Variants in PPFIA2 observed in about 807,000 individuals in gnomAD.
The protein encoded by PPFIA2 is liprin-alpha-2.
In PPFIA2, 46 loss-of-function variants were observed where a neutral mutation model predicts 175.5. The ratio of observed to expected loss-of-function variants is 0.26; its 90% confidence interval spans 0.21 to 0.34. The LOEUF is 0.34. Among genes scored for constraint, PPFIA2 ranks in the 10% least tolerant of loss-of-function variants. PPFIA2 has a pLI of 1.00. For synonymous variants in PPFIA2, 568 were observed against 511.4 expected (o/e 1.11, Z -1.49); for missense variants, 1,179 against 1,506.1 (o/e 0.78, Z 3.60).
At chr12:81,470,945 T>C (rs1487831454) in intron 4 of PPFIA2, among the ~76,000 whole-genome samples, 1 of 152,112 alleles carries the variant, frequency 6.6e-6, no homozygotes, top group African/African-American at 2.4e-5. Context: ...AATGTTCTGT[T>C]GTCTACTTCT....
intron 24 of PPFIA2, among the ~76,000 whole-genome samples, chr12:81,291,631 C>T (rs1055784622): frequency 2.6e-5 from 4 of 151,938 alleles, no homozygotes; most frequent in Admixed American, 6.6e-5. Flanking sequence ...ATCTTTATTT[C>T]GTCTAGTGTG....
At chr12:81,559,803 TG>T (rs2069611295) in intron 4 of PPFIA2, among the ~76,000 whole-genome samples, 1 of 121,566 alleles carries the variant, frequency 8.2e-6, no homozygotes, top group African/African-American at 3.3e-5. Context: ...GATGCTTAGT[TG>T]TTTTTTTTTT....
chr12:81,364,105 T>A (rs1205120231), intron 14 of PPFIA2, among the ~76,000 whole-genome samples: 1 of 151,656 alleles, frequency 6.6e-6, no homozygotes, highest in Non-Finnish European at 1.5e-5. Flanking sequence ...ATGACCTAAA[T>A]AAAGGAGAAA....
intron 3 of PPFIA2, among the ~76,000 whole-genome samples, chr12:81,689,563 C>T (rs2074966451): frequency 6.6e-6 from 1 of 151,958 alleles, no homozygotes; most frequent in African/African-American, 2.4e-5. Context: ...TTGTAGAGCA[C>T]AGCATAGAGC....
chr12:81,381,967 C>A (rs2141937936), intron 9 of PPFIA2, among the ~76,000 whole-genome samples: 1 of 151,764 alleles, frequency 6.6e-6, no homozygotes, highest in Middle Eastern at 3.4e-3. Flanking sequence ...CAGCAGTGAA[C>A]AAAACAAGAA....
At chr12:81,353,443 C>G (rs957831404) in intron 16 of PPFIA2, 104 bp from the exon 17 acceptor site, 3 of 738,662 alleles carry the variant, frequency 4.1e-6, no homozygotes, top group Non-Finnish European at 6.8e-6. Flanking sequence ...TACAACTGAC[C>G]TTGCAAAAAC....
At chr12:81,675,979 ATCTC>A (rs1181226294) in intron 4 of PPFIA2, among the ~76,000 whole-genome samples, 1 of 152,084 alleles carries the variant, frequency 6.6e-6, no homozygotes, top group African/African-American at 2.4e-5. Flanking sequence ...ACAGAAAGTT[ATCTC>A]TCTAACAACT....
intron 6 of PPFIA2, among the ~76,000 whole-genome samples, chr12:81,440,610 C>T (rs1247120861): frequency 6.6e-6 from 1 of 151,846 alleles, no homozygotes; most frequent in East Asian, 1.9e-4. Flanking sequence ...ACTTAAGTAT[C>T]TTGGAATTTC....
intron 4 of PPFIA2, among the ~76,000 whole-genome samples, chr12:81,539,574 C>A (rs1163567360): frequency 2.6e-5 from 4 of 151,838 alleles, no homozygotes; most frequent in Non-Finnish European, 5.9e-5. Context: ...TCAGTGGGGC[C>A]CAGCAATTTG....
intron 5 of PPFIA2, among the ~76,000 whole-genome samples, chr12:81,452,040 A>C (rs1593204448): frequency 6.6e-6 from 1 of 152,064 alleles, no homozygotes; most frequent in Non-Finnish European, 1.5e-5. Context: ...CCTATGTTTG[A>C]ATTTTCTTTA....
intron 22 of PPFIA2, chr12:81,312,488 G>A (rs12820143): frequency 4.7e-5 from 16 of 339,454 alleles, no homozygotes; most frequent in Non-Finnish European, 8.0e-5. Context: ...AAGAAATCTT[G>A]GTAAAGGACA....
At chr12:81,635,441 G>T (rs2063876569) in intron 4 of PPFIA2, among the ~76,000 whole-genome samples, 1 of 152,150 alleles carries the variant, frequency 6.6e-6, no homozygotes, top group African/African-American at 2.4e-5. Flanking sequence ...TTTGGGTCAA[G>T]AATTTTGAAA....
intron 21 of PPFIA2, among the ~76,000 whole-genome samples, chr12:81,328,345 A>C (rs2055284973): frequency 6.6e-6 from 1 of 152,234 alleles, no homozygotes; most frequent in South Asian, 2.1e-4. Flanking sequence ...ACATGTGACT[A>C]TTAAGCTCTT....
At chr12:81,676,945 A>T (rs1471054618) in intron 3 of PPFIA2, 101 bp from the exon 4 acceptor site, 2 of 749,166 alleles carry the variant, frequency 2.7e-6, no homozygotes, top group Non-Finnish European at 4.1e-6. Flanking sequence ...AAGTTAGGGC[A>T]TGTCAGCTAT....
chr12:81,579,342 TA>T (rs2074064818), intron 4 of PPFIA2, among the ~76,000 whole-genome samples: 1 of 151,816 alleles, frequency 6.6e-6, no homozygotes, highest in South Asian at 2.1e-4. Flanking sequence ...ATCAGAATTT[TA>T]AAAAACTAAT....
At position 81,258,528 on chromosome 12, in the gene PPFIA2, A is replaced by G. The variant is rs1188677232; in HGVS notation, c.*1166T>C. On this transcript the variant is annotated 3_prime_UTR_variant, in exon 33 of 33. Coordinates refer to ENST00000549396, the MANE Select transcript of PPFIA2 (RefSeq NM_003625.5). ...ATATAAACAAAGAATAAACAACAGTAACACCACCAAATAAAGCCACAGGGA... is the reference window on the plus strand; with the variant it reads ...ATATAAACAAAGAATAAACAACAGTGACACCACCAAATAAAGCCACAGGGA... 1 of 152,178 alleles carries G rather than the reference A, an allele frequency of 6.6e-6. No individual in the cohort carries two copies. Among genetic ancestry groups the G allele is most frequent in the Non-Finnish European group, 1.5e-5 (1 of 68,026 alleles). The allele number at this position is 152,178 out of a possible 1,614,324, so 9.4% of individuals were successfully genotyped here.
intron 21 of PPFIA2, among the ~76,000 whole-genome samples, chr12:81,328,818 CT>C (rs533036607): frequency 5.9e-4 from 79 of 134,634 alleles, no homozygotes; most frequent in Admixed American, 1.4e-3. Flanking sequence ...TTCTTTCTTT[CT>C]TTTTTTTTTT....
At chr12:81,345,385 TTC>T (rs1294429586) in intron 18 of PPFIA2, among the ~76,000 whole-genome samples, 1 of 152,144 alleles carries the variant, frequency 6.6e-6, no homozygotes, top group African/African-American at 2.4e-5. Flanking sequence ...TGCCTTTTTT[TTC>T]AGTACTCTAA....
rs574921965 is a variant in PPFIA2 at position 81,352,985 on chromosome 12, G to A, written c.1994+134C>T. 4.7e-4 allele frequency: 326 copies of A among 696,372 alleles called. 4 individuals carry two copies. In the South Asian group the frequency reaches 5.7e-3, roughly 12 times the overall value. The allele number at this position is 696,372 out of a possible 1,614,324, so 43.1% of individuals were successfully genotyped here. A position where few individuals can be genotyped will look rare whatever the true frequency, so the allele number is the denominator to read the frequency against. ...ATACACATTCTGATTCAGTGTGTACGGGGTGAGGTCTGAGATTCTGCAGAT... is the reference window on the plus strand; with the variant it reads ...ATACACATTCTGATTCAGTGTGTACAGGGTGAGGTCTGAGATTCTGCAGAT... On this transcript the variant is annotated intron_variant, in intron 17 of 32. Transcript: ENST00000549396.
Sources: gnomAD v4.1 joint callset for allele counts (sites outside exome capture counted in the v4.1 genomes callset) on GRCh38, gnomAD v4.1.1 for gene constraint, MANE v1.5 for transcripts, NCBI Gene and HGNC (gene_info 2026-07-23, HGNC 2026-07-21) for gene names.